Variants in LGSN observed in about 807,000 individuals in gnomAD.
LGSN encodes lengsin.
LGSN carries 21 observed loss-of-function variants against 19.5 expected under a neutral mutation model. That is an observed-to-expected ratio of 1.07 (90% CI 0.76 to 1.55). The LOEUF is 1.55. LGSN is among the 40% of genes most tolerant of loss of function. The pLI, the probability that LGSN is intolerant of heterozygous loss-of-function variation, is 0.00. For missense variants in LGSN, 673 were observed against 608.5 expected, an observed-to-expected ratio of 1.11 and a Z score of -1.12; for synonymous variants, 257 against 215.6, an observed-to-expected ratio of 1.19 and a Z score of -1.68.
intron 1 of LGSN, among the ~76,000 whole-genome samples, chr6:63,300,367 C>T (rs534059348): frequency 7.2e-5 from 11 of 152,126 alleles, no homozygotes; most frequent in Admixed American, 4.6e-4. Context: ...CTTAAAGCTG[C>T]GTTAAATTCA....
chr6:63,325,597 A>G, the LGSN span, among the ~76,000 whole-genome samples: 9 of 152,214 alleles, frequency 5.9e-5, no homozygotes, highest in Non-Finnish European at 7.3e-5. Context: ...ATCAGTAATA[A>G]TGTGTCCGGA....
chr6:63,276,977 ATC>A lies in LGSN; in HGVS notation c.*3042_*3043del. 6.6e-6 allele frequency: 1 copy of A among 151,992 alleles called. No individual in the cohort carries two copies. 9.4% of individuals were successfully genotyped at this position (151,992 alleles called of 1,614,324 possible). On this transcript the variant is annotated 3_prime_UTR_variant, in exon 4 of 4. Coordinates refer to ENST00000370657, the MANE Select transcript of LGSN (RefSeq NM_016571.3). Reference sequence around the variant, plus strand: ...GTTGCCTTAAAGAACAAGAATATACATCAGCACACACCTAACTGAAATCTTGG... The same window carrying A: ...GTTGCCTTAAAGAACAAGAATATACAAGCACACACCTAACTGAAATCTTGG...
chr6:63,459,391 T>C, the LGSN span, among the ~76,000 whole-genome samples: 5 of 152,276 alleles, frequency 3.3e-5, no homozygotes, highest in East Asian at 5.8e-4. Context: ...AATTAATTAT[T>C]GTACTTTTTT....
chr6:63,389,345 C>G, the LGSN span, among the ~76,000 whole-genome samples: 1 of 152,160 alleles, frequency 6.6e-6, no homozygotes, highest in Non-Finnish European at 1.5e-5. Flanking sequence ...GATATTGAGC[C>G]TGATTCATTT....
chr6:63,380,065 C>G, the LGSN span, among the ~76,000 whole-genome samples: 2 of 152,136 alleles, frequency 1.3e-5, no homozygotes, highest in Non-Finnish European at 2.9e-5. Context: ...TCTCGAACTC[C>G]TGACCTCAGG....
the LGSN span, among the ~76,000 whole-genome samples, chr6:63,459,839 A>C: frequency 6.6e-6 from 1 of 152,244 alleles, no homozygotes; most frequent in African/African-American, 2.4e-5. Flanking sequence ...GCTTGAACCC[A>C]GGAGGTGCAT....
chr6:63,439,090 A>C, the LGSN span, among the ~76,000 whole-genome samples: 2 of 152,188 alleles, frequency 1.3e-5, no homozygotes, highest in African/African-American at 2.4e-5. Flanking sequence ...CATTCTCAGT[A>C]AACTATCGCA....
chr6:63,416,687 C>A, the LGSN span, among the ~76,000 whole-genome samples: 1 of 151,960 alleles, frequency 6.6e-6, no homozygotes, highest in African/African-American at 2.4e-5. Context: ...CCTACCCCAG[C>A]CTCCCAAACA....
chr6:63,551,581 C>T, the LGSN span, among the ~76,000 whole-genome samples: 2 of 152,046 alleles, frequency 1.3e-5, no homozygotes, highest in African/African-American at 2.4e-5. Flanking sequence ...TACATGTGCA[C>T]AATGTGCAGG....
the LGSN span, among the ~76,000 whole-genome samples, chr6:63,470,899 C>T: frequency 6.7e-6 from 1 of 149,612 alleles, no homozygotes; most frequent in South Asian, 2.1e-4. Flanking sequence ...ACTCTGAATA[C>T]CAAAATCTTA....
the LGSN span, among the ~76,000 whole-genome samples, chr6:63,444,626 T>G: frequency 6.6e-6 from 1 of 152,212 alleles, no homozygotes; most frequent in Non-Finnish European, 1.5e-5. Flanking sequence ...ATTCAGATTT[T>G]TAAACTTCCC....
the LGSN span, among the ~76,000 whole-genome samples, chr6:63,454,702 C>T: frequency 6.6e-6 from 1 of 151,656 alleles, no homozygotes; most frequent in Non-Finnish European, 1.5e-5. Context: ...GAACTCTTGA[C>T]CTCGTGATCC....
the LGSN span, among the ~76,000 whole-genome samples, chr6:63,332,336 TTGTC>T: frequency 6.6e-6 from 1 of 152,040 alleles, no homozygotes. Context: ...GAGAGGAAGT[TTGTC>T]TGGCAGGCAT....
chr6:63,363,668 C>A, the LGSN span, among the ~76,000 whole-genome samples: 2 of 152,100 alleles, frequency 1.3e-5, no homozygotes, highest in Admixed American at 6.5e-5. Flanking sequence ...TATAAAGAAA[C>A]AAACAAAGCC....
At chr6:63,512,904 G>A in the LGSN span, among the ~76,000 whole-genome samples, 5 of 152,136 alleles carry the variant, frequency 3.3e-5, no homozygotes, top group African/African-American at 2.4e-5. Flanking sequence ...CTTATTACAC[G>A]TTGGGCACTG....
the LGSN span, among the ~76,000 whole-genome samples, chr6:63,379,612 C>T: frequency 6.6e-6 from 1 of 152,128 alleles, no homozygotes; most frequent in Admixed American, 6.5e-5. Flanking sequence ...ACAGCAGGTC[C>T]TCTTTAGCTC....
chr6:63,331,054 A>G, the LGSN span, among the ~76,000 whole-genome samples: 451 of 152,254 alleles, frequency 3.0e-3, 3 homozygotes, highest in African/African-American at 0.01. Context: ...CCTACAGCTT[A>G]AAGGGGACAT....
At chr6:63,390,653 G>A in the LGSN span, among the ~76,000 whole-genome samples, 16,027 of 150,764 alleles carry the variant, frequency 0.11, 1,746 homozygotes, top group African/African-American at 0.29. Context: ...TCAGGAGATC[G>A]AGACCATCCT....
the LGSN span, among the ~76,000 whole-genome samples, chr6:63,336,050 C>A: frequency 1.3e-5 from 2 of 151,724 alleles, no homozygotes; most frequent in African/African-American, 4.9e-5. Context: ...GAGGTAAAGA[C>A]AGATATCGCA....
Sources: allele counts gnomAD v4.1 joint callset (sites outside exome capture counted in the v4.1 genomes callset), GRCh38; gene constraint gnomAD v4.1.1; transcripts MANE v1.5; gene names NCBI Gene and HGNC (gene_info 2026-07-23, HGNC 2026-07-21).